Variants in ELL observed in about 807,000 individuals in gnomAD.
ELL encodes the protein elongation factor for RNA polymerase II.
A neutral mutation model predicts 64.0 loss-of-function variants in ELL; 18 were observed. The observed-to-expected ratio is 0.28, with a 90% CI of 0.19 to 0.42. The LOEUF is 0.42. ELL is among the 10% of genes least tolerant of loss of function. The pLI is 1.00. For synonymous variants in ELL, 399 were observed against 376.2 expected (o/e 1.06, Z -0.70); for missense variants, 797 against 870.4 (o/e 0.92, Z 1.06).
chr19:18,503,655 C>T (rs932565679), intron 1 of ELL, among the ~76,000 whole-genome samples: 1 of 152,192 alleles, frequency 6.6e-6, no homozygotes, highest in Non-Finnish European at 1.5e-5. Flanking sequence ...GAGGAGATGT[C>T]TGAGCAGTGG....
At chr19:18,479,540 C>G (rs1326087471) in intron 1 of ELL, among the ~76,000 whole-genome samples, 1 of 151,820 alleles carries the variant, frequency 6.6e-6, no homozygotes, top group Non-Finnish European at 1.5e-5. Context: ...GAAACTCCAT[C>G]TCTACTAAAA....
intron 1 of ELL, among the ~76,000 whole-genome samples, chr19:18,509,582 T>TGTGCGCACGCGCGCGC: frequency 1.0e-5 from 1 of 95,556 alleles, no homozygotes; most frequent in African/African-American, 4.7e-5. Flanking sequence ...CCAATGCACG[T>TGTGCGCACGCGCGCGC]GCGCGCGCGC....
chr19:18,501,127 C>T lies in ELL; in HGVS notation c.135+20794G>A, dbSNP rs1311977005. ...AACGAGCGGGCCACGACACTGTTCT[C>T]GCCAGCTATGCCTGTGGGCAGCAAG... On this transcript the variant is annotated intron_variant, in intron 1 of 11. Transcript: ENST00000262809. The surrounding 1 kb of genome is among the most constrained non-coding windows in gnomAD (Gnocchi z 4.5). Among the ~76,000 whole-genome samples, 3 of 152,102 alleles carry T rather than the reference C, an allele frequency of 2.0e-5. No homozygotes were observed. The highest frequency in any genetic ancestry group is 4.4e-5 in the Non-Finnish European group (3 of 68,020).
chr19:18,509,582 T>TGCGCGCGCGTGC (rs1975958704), intron 1 of ELL, among the ~76,000 whole-genome samples: 1 of 95,538 alleles, frequency 1.0e-5, no homozygotes, highest in Non-Finnish European at 2.1e-5. Flanking sequence ...CCAATGCACG[T>TGCGCGCGCGTGC]GCGCGCGCGC....
chr19:18,520,012 G>C (rs933418174), intron 1 of ELL, among the ~76,000 whole-genome samples: 2 of 152,112 alleles, frequency 1.3e-5, no homozygotes, highest in Non-Finnish European at 2.9e-5. Context: ...TGGGCTCCGA[G>C]CCAGAGGAGT....
chr19:18,511,657 G>A (rs575026069), intron 1 of ELL, among the ~76,000 whole-genome samples: 15 of 152,290 alleles, frequency 9.8e-5, no homozygotes, highest in African/African-American at 3.6e-4. Flanking sequence ...TGGAGAAGGT[G>A]GAAGTACAGG....
At chr19:18,446,879 A>G in intron 8 of ELL, 65 bp from the exon 9 acceptor site, 1 of 1,541,968 alleles carries the variant, frequency 6.5e-7, no homozygotes. Flanking sequence ...GAAGCACGCC[A>G]GGATGGGGAC....
chr19:18,465,766 C>T (rs1425251602), intron 3 of ELL, 31 bp downstream of exon 3: 14 of 1,421,424 alleles, frequency 9.8e-6, no homozygotes, highest in Middle Eastern at 1.9e-4. Flanking sequence ...CAAGAGCCGG[C>T]GGGGTGCTCT....
intron 1 of ELL, among the ~76,000 whole-genome samples, chr19:18,476,652 C>T (rs1203252520): frequency 6.6e-6 from 1 of 152,210 alleles, no homozygotes; most frequent in Non-Finnish European, 1.5e-5. Flanking sequence ...GGCTGAGGGG[C>T]CACAGAGCCA....
At position 18,522,029 on chromosome 19, in the gene ELL, G is replaced by A. The variant is rs369193595; in HGVS notation, c.27C>T (p.Ser9=). 3.7e-6 allele frequency: 6 copies of A among 1,608,544 alleles called. No individual in the cohort carries two copies. The highest frequency in any genetic ancestry group is 1.7e-5 in the Admixed American group (1 of 59,778). Residue 9 remains serine, a synonymous_variant, in exon 1 of 12, where the codon AGC becomes AGT. Transcript: ENST00000262809. Reference sequence around the variant, plus strand: ...TAACCCGCCCGCACGACAGCCCGTAGCTCCTATCCTCCTTCAGCGCCGCCA... The same window carrying A: ...TAACCCGCCCGCACGACAGCCCGTAACTCCTATCCTCCTTCAGCGCCGCCA... MAALKEDR[S]YGLSCGRVSD... is the part of the protein sequence containing the mutation.
intron 1 of ELL, among the ~76,000 whole-genome samples, chr19:18,518,529 C>G (rs1249716278): frequency 6.6e-6 from 1 of 150,860 alleles, no homozygotes; most frequent in Admixed American, 6.6e-5. Flanking sequence ...GCGACTCAAG[C>G]TTATAATCCC....
chr19:18,494,836 C>G (rs1372351375), intron 1 of ELL, among the ~76,000 whole-genome samples: 2 of 152,206 alleles, frequency 1.3e-5, no homozygotes, highest in Non-Finnish European at 2.9e-5. Flanking sequence ...GGAGGCCCCA[C>G]CCGTACCTGA....
chr19:18,444,009 A>C lies in ELL; in HGVS notation c.*743T>G, dbSNP rs2144880683. On this transcript the variant is annotated 3_prime_UTR_variant, in exon 12 of 12. Coordinates refer to ENST00000262809, the MANE Select transcript of ELL (RefSeq NM_006532.4). The stretch of plus-strand genomic sequence containing the variant: ...GAGCACAGAAACACAGTGGCCCCCG[A>C]CAGCTGAGGGCCTGAAATAGCAGGG... 4.3e-6 allele frequency: 1 copy of C among 232,286 alleles called. No homozygotes were observed. 14.4% of individuals were successfully genotyped at this position (232,286 alleles called of 1,614,324 possible). A position where few individuals can be genotyped will look rare whatever the true frequency, so the allele number is the denominator to read the frequency against.
At chr19:18,517,153 T>C (rs1273301296) in intron 1 of ELL, among the ~76,000 whole-genome samples, 1 of 152,140 alleles carries the variant, frequency 6.6e-6, no homozygotes, top group Non-Finnish European at 1.5e-5. Flanking sequence ...AACACTGTCC[T>C]GGAAGGAGGG....
chr19:18,466,033 C>A (rs1175688994), intron 2 of ELL, 115 bp from the exon 3 acceptor site: 2 of 1,079,386 alleles, frequency 1.9e-6, no homozygotes, highest in Middle Eastern at 3.4e-4. Context: ...ATGTGCTGGC[C>A]CTTTTCCCTA....
At chr19:18,496,279 A>T (rs1260780969) in intron 1 of ELL, among the ~76,000 whole-genome samples, 2 of 152,368 alleles carry the variant, frequency 1.3e-5, no homozygotes, top group Non-Finnish European at 1.5e-5. Context: ...GTGAGCCCCA[A>T]GAGGTGGCCG....
chr19:18,477,280 C>G (rs558796338), intron 1 of ELL, among the ~76,000 whole-genome samples: 8 of 152,270 alleles, frequency 5.3e-5, no homozygotes, highest in African/African-American at 1.9e-4. Flanking sequence ...AACTTGAAGA[C>G]AAAGCCACAG....
intron 1 of ELL, among the ~76,000 whole-genome samples, chr19:18,511,009 T>C (rs1045345841): frequency 6.6e-6 from 1 of 152,128 alleles, no homozygotes; most frequent in African/African-American, 2.4e-5. Context: ...GGCTCATGCC[T>C]GTAATCCCAG....
chr19:18,443,665 T>C lies in ELL; in HGVS notation c.*1087A>G, dbSNP rs1483346217. The C allele has an allele frequency of 4.3e-6, 1 of 233,100 alleles. No individual in the cohort carries two copies. The highest frequency in any genetic ancestry group is 2.2e-5 in the African/African-American group (1 of 45,296). The allele number at this position is 233,100 out of a possible 1,614,324, so 14.4% of individuals were successfully genotyped here. A position where few individuals can be genotyped will look rare whatever the true frequency, so the allele number is the denominator to read the frequency against. ...ACTAGGCACAGCAACAGAGCAGCAATTGGGGTGTCTGCAGAGCCTGCACCC... is the reference window on the plus strand; with the variant it reads ...ACTAGGCACAGCAACAGAGCAGCAACTGGGGTGTCTGCAGAGCCTGCACCC... On this transcript the variant is annotated 3_prime_UTR_variant, in exon 12 of 12. Transcript: ENST00000262809.
Sources: gnomAD v4.1 joint callset for allele counts (sites outside exome capture counted in the v4.1 genomes callset) on GRCh38, gnomAD v4.1.1 for gene constraint, Gnocchi (gnomAD v3.1) non-coding constraint, MANE v1.5 for transcripts, NCBI Gene and HGNC (gene_info 2026-07-23, HGNC 2026-07-21) for gene names.